Variants in ST14 observed in about 807,000 individuals in gnomAD.
ST14 encodes suppressor of tumorigenicity 14 protein.
A neutral mutation model predicts 96.5 loss-of-function variants in ST14; 40 were observed. The ratio of observed to expected loss-of-function variants is 0.41; its 90% CI spans 0.32 to 0.54. The LOEUF (loss-of-function observed/expected upper bound fraction) is 0.54. Among genes scored for constraint, ST14 ranks in the 20% least tolerant of loss-of-function variants. The probability of loss-of-function intolerance (pLI) is 0.17; values close to 1 mark genes in which losing one functional copy is unlikely to be tolerated. For synonymous variants in ST14, 506 were observed against 492.1 expected, an observed-to-expected ratio of 1.03 and a Z score of -0.37; for missense variants, 1,066 against 1,188.9, an observed-to-expected ratio of 0.90 and a Z score of 1.52.
rs1301330187 is a variant in ST14, at chr11:130,198,488, G to A, written c.1571-20G>A. On this transcript the variant is annotated intron_variant, in intron 13 of 18. Transcript: ENST00000278742. Reference sequence around the variant, plus strand: ...CGACTGACGGTGGCTCCTGGTGGCTGAGTCCTGGTGCCTCTCCAGGTTGTC... The same window carrying A: ...CGACTGACGGTGGCTCCTGGTGGCTAAGTCCTGGTGCCTCTCCAGGTTGTC... 1.9e-6 allele frequency: 3 copies of A among 1,613,490 alleles called. No homozygotes were observed. The highest frequency in any genetic ancestry group is 1.7e-5 in the Admixed American group (1 of 60,032).
chr11:130,197,980 T>G, intron 12 of ST14, 35 bp downstream of exon 12: 1 of 1,535,546 alleles, frequency 6.5e-7, no homozygotes, highest in South Asian at 1.2e-5. Context: ...CTCCCCACCC[T>G]CCTTCCCCAC....
Position 130,188,596 on chromosome 11 carries a change from A to G in ST14, c.308A>G (p.Asp103Gly), listed in dbSNP as rs780805846. ...YMRITNENFV[D>G]AYENSNSTEF... ...AGGATCACAAATGAGAATTTTGTGG[A>G]TGCCTACGAGAACTCCAACTCCACT... Residue 103 changes from aspartate (D) to glycine (G), a missense_variant, in exon 3 of 19, where the codon GAT becomes GGT. Asp to Gly is a moderately conservative substitution (Grantham distance 94). Transcript: ENST00000278742. The surrounding 1 kb of genome is among the most constrained non-coding windows in gnomAD (Gnocchi z 5.4). 2 of 1,614,222 alleles carry G rather than the reference A, an allele frequency of 1.2e-6. No homozygotes were observed. Among genetic ancestry groups the G allele is most frequent in the Non-Finnish European group, 1.7e-6 (2 of 1,180,036 alleles).
At chr11:130,199,220 C>T in intron 15 of ST14, 151 bp downstream of exon 15, 1 of 956,242 alleles carries the variant, frequency 1.0e-6, no homozygotes, top group Admixed American at 2.1e-5. Context: ...AAAGGATAGC[C>T]TTGCCAGTTG....
chr11:130,205,699 G>T (rs1315625873), intron 16 of ST14, among the ~76,000 whole-genome samples: 37 of 94,654 alleles, frequency 3.9e-4, no homozygotes, highest in African/African-American at 9.5e-4. Flanking sequence ...TTCTTTAGAC[G>T]TTTTTTTTTT....
At chr11:130,203,291 G>C (rs1378128051) in intron 16 of ST14, among the ~76,000 whole-genome samples, 1 of 152,150 alleles carries the variant, frequency 6.6e-6, no homozygotes, top group Non-Finnish European at 1.5e-5. Context: ...GACCCTTTCA[G>C]CTACATGCTC....
chr11:130,209,639 C>T (rs778593867), intron 18 of ST14, 23 bp from the exon 19 acceptor site: 34 of 1,586,222 alleles, frequency 2.1e-5, no homozygotes, highest in South Asian at 4.5e-5. Flanking sequence ...TGGGGACTCA[C>T]GGCAGGGCTT....
chr11:130,204,437 A>G (rs1253342403), intron 16 of ST14, among the ~76,000 whole-genome samples: 1 of 152,220 alleles, frequency 6.6e-6, no homozygotes, highest in African/African-American at 2.4e-5. Flanking sequence ...GATTACAGTG[A>G]AGCGAGATTG....
At chr11:130,198,688 C>A in intron 14 of ST14, 67 bp downstream of exon 14, 2 of 1,460,662 alleles carry the variant, frequency 1.4e-6, no homozygotes, top group African/African-American at 2.8e-5. Flanking sequence ...CCTGAGCACA[C>A]GCACATGCAG....
At chr11:130,208,365 C>A in intron 16 of ST14, 45 bp from the exon 17 acceptor site, 1 of 1,613,434 alleles carries the variant, frequency 6.2e-7, no homozygotes, top group Non-Finnish European at 8.5e-7. Flanking sequence ...GCCGTGTGCA[C>A]AGACCCGAGT....
In ST14 at chr11:130,181,961, G is replaced by C. The variant is rs1227547826; in HGVS notation, c.82-6153G>C. On this transcript the variant is annotated intron_variant, in intron 1 of 18. Transcript: ENST00000278742. This position sits in a 1 kb window ranked among gnomAD's most constrained non-coding sequence, Gnocchi z 4.1. The stretch of plus-strand genomic sequence containing the variant: ...CAGCCTCGCTCCGTGGCAGAGTCTG[G>C]GGTGACCCCTGAGTCAATGCCCTCA... 1.3e-5 allele frequency among the ~76,000 whole-genome samples: 2 copies of C among 152,184 alleles called. No individual in the cohort carries two copies. The highest frequency in any genetic ancestry group is 1.3e-4 in the Admixed American group (2 of 15,286).
intron 17 of ST14, among the ~76,000 whole-genome samples, chr11:130,209,201 C>G (rs562424265): frequency 6.6e-6 from 1 of 152,260 alleles, no homozygotes; most frequent in East Asian, 1.9e-4. Context: ...TGTTCCCTCA[C>G]CCCTGCTTGC....
At chr11:130,167,086 C>T (rs1184515178) in intron 1 of ST14, among the ~76,000 whole-genome samples, 2 of 152,150 alleles carry the variant, frequency 1.3e-5, no homozygotes, top group Non-Finnish European at 2.9e-5. Context: ...CGGTGGGCAC[C>T]TGTAATCCTA....
At position 130,194,851 on chromosome 11, in the gene ST14, C is replaced by CGT. The variant is rs1555154607; in HGVS notation, c.1113+114_1113+115insGT. On this transcript the variant is annotated intron_variant, in intron 9 of 18. Coordinates refer to ENST00000278742, the MANE Select transcript of ST14 (RefSeq NM_021978.4). ...GTGTGCATGTGTTTGCATATGTGTG[C>CGT]ATGTGTGTGTGTGTGTGTGTGTGTG... 0.055 allele frequency: 48,516 copies of CGT among 880,810 alleles called. 1,246 individuals are homozygous for CGT. The highest frequency in any genetic ancestry group is 0.14 in the African/African-American group (6,874 of 50,000). 54.6% of individuals were successfully genotyped at this position (880,810 alleles called of 1,614,324 possible).
intron 12 of ST14, 83 bp downstream of exon 12, chr11:130,198,028 A>T (rs1298627425): frequency 3.5e-5 from 49 of 1,398,314 alleles, no homozygotes; most frequent in Non-Finnish European, 2.8e-5. Context: ...CTGACTGCCG[A>T]GGCAGAAAGG....
At chr11:130,176,032 C>A (rs1454289605) in intron 1 of ST14, among the ~76,000 whole-genome samples, 1 of 152,158 alleles carries the variant, frequency 6.6e-6, no homozygotes, top group Non-Finnish European at 1.5e-5. Context: ...GTTTCCTGCT[C>A]GTGTAGGGAT....
At position 130,187,196 on chromosome 11, in the gene ST14, A is replaced by G. The variant is rs1163588688; in HGVS notation, c.82-918A>G. Among the ~76,000 whole-genome samples the G allele has an allele frequency of 6.6e-6, 1 of 152,152 alleles. No individual in the cohort carries two copies. ...GTATTGAGTGGGCGTGAGGTAGTTA[A>G]ACTGAGAGTGCCACAGTGCCAGGCC... On this transcript the variant is annotated intron_variant, in intron 1 of 18. Coordinates refer to ENST00000278742, the MANE Select transcript of ST14 (RefSeq NM_021978.4). The surrounding 1 kb of genome is among the most constrained non-coding windows in gnomAD (Gnocchi z 4.5).
At chr11:130,207,907 T>C (rs1343729729) in intron 16 of ST14, among the ~76,000 whole-genome samples, 1 of 151,938 alleles carries the variant, frequency 6.6e-6, no homozygotes, top group East Asian at 1.9e-4. Context: ...CCCGTCTCTA[T>C]TAAAAATACA....
At chr11:130,197,239 A>C (rs750404685) in intron 11 of ST14, among the ~76,000 whole-genome samples, 4 of 152,218 alleles carry the variant, frequency 2.6e-5, no homozygotes, top group Non-Finnish European at 5.9e-5. Context: ...CACCACCAAA[A>C]GTACACTTGG....
At chr11:130,164,094 G>A (rs1219104567) in intron 1 of ST14, among the ~76,000 whole-genome samples, 1 of 152,210 alleles carries the variant, frequency 6.6e-6, no homozygotes, top group African/African-American at 2.4e-5. Flanking sequence ...AAGGCTGGTG[G>A]CTCATGTCTC....
Sources: allele counts gnomAD v4.1 joint callset (sites outside exome capture counted in the v4.1 genomes callset), GRCh38; gene constraint gnomAD v4.1.1; non-coding constraint Gnocchi (gnomAD v3.1); transcripts MANE v1.5; gene names NCBI Gene and HGNC (gene_info 2026-07-23, HGNC 2026-07-21).